STPG2: variants seen among roughly 807,000 people sequenced by gnomAD.
STPG2 encodes sperm-tail PG-rich repeat-containing protein 2.
STPG2 carries 56 observed loss-of-function variants against 54.2 expected under a neutral mutation model. The observed-to-expected ratio is 1.03, with a 90% confidence interval of 0.83 to 1.29. The LOEUF (loss-of-function observed/expected upper bound fraction) is 1.29, where lower values mean the gene tolerates loss of function less well. STPG2 is among the 50% of genes most tolerant of loss of function. The pLI is 0.00. For synonymous variants in STPG2, 200 were observed against 181.8 expected (o/e 1.10, Z -0.81); for missense variants, 596 against 544.9 (o/e 1.09, Z -0.93).
At chr4:97,984,926 CT>C (rs1414484376) in intron 5 of STPG2, among the ~76,000 whole-genome samples, 1 of 152,208 alleles carries the variant, frequency 6.6e-6, no homozygotes, top group Non-Finnish European at 1.5e-5. Flanking sequence ...AGTGCTTGCA[CT>C]TTACCTCCTC....
At chr4:98,090,436 T>C (rs1384349186) in intron 5 of STPG2, among the ~76,000 whole-genome samples, 3 of 152,086 alleles carry the variant, frequency 2.0e-5, no homozygotes, top group Non-Finnish European at 4.4e-5. Context: ...ACTGGTACCA[T>C]GTTTTATTTT....
At chr4:97,680,121 G>C (rs1722986230) in intron 10 of STPG2, among the ~76,000 whole-genome samples, 3 of 151,094 alleles carry the variant, frequency 2.0e-5, no homozygotes, top group Admixed American at 1.3e-4. Flanking sequence ...CTCTTTTTTG[G>C]TTCCATATGA....
chr4:98,013,819 CT>C (rs1362779184), intron 5 of STPG2, among the ~76,000 whole-genome samples: 1 of 151,716 alleles, frequency 6.6e-6, no homozygotes, highest in Non-Finnish European at 1.5e-5. Flanking sequence ...GTGATATCCC[CT>C]TTATTATTTT....
At chr4:97,915,220 C>T (rs113399389) in intron 8 of STPG2, among the ~76,000 whole-genome samples, 1,906 of 152,142 alleles carry the variant, frequency 0.013, 18 homozygotes, top group Non-Finnish European at 0.02. Flanking sequence ...AGACATGGTG[C>T]CTGCTCTTAA....
At chr4:97,933,117 A>G (rs1337825401) in intron 8 of STPG2, among the ~76,000 whole-genome samples, 1 of 152,124 alleles carries the variant, frequency 6.6e-6, no homozygotes, top group Admixed American at 6.5e-5. Context: ...TCTAATGATC[A>G]GTGATGTTGA....
chr4:97,879,047 C>A (rs558609026), intron 8 of STPG2, among the ~76,000 whole-genome samples: 1 of 152,186 alleles, frequency 6.6e-6, no homozygotes, highest in Admixed American at 6.5e-5. Flanking sequence ...AGTCTCCTTG[C>A]TAAAACATAG....
chr4:97,813,677 TAAAAAAAAAAAA>T (rs869298230), intron 9 of STPG2, among the ~76,000 whole-genome samples: 20 of 45,944 alleles, frequency 4.4e-4, no homozygotes, highest in African/African-American at 8.7e-4. Flanking sequence ...CCCTGTCTCT[TAAAAAAAAAAAA>T]AAAAAAAAAA....
chr4:97,524,511 T>C, intron 4 of STPG2, among the ~76,000 whole-genome samples: 1 of 151,986 alleles, frequency 6.6e-6, no homozygotes, highest in East Asian at 1.9e-4. Flanking sequence ...TAATGTCTTA[T>C]TGCCTTCTAT....
At chr4:97,861,547 C>G (rs967508051) in intron 8 of STPG2, among the ~76,000 whole-genome samples, 2 of 152,156 alleles carry the variant, frequency 1.3e-5, no homozygotes, top group Non-Finnish European at 2.9e-5. Flanking sequence ...GAGATATCTG[C>G]ACTCCTATGT....
intron 4 of STPG2, among the ~76,000 whole-genome samples, chr4:97,457,112 G>A (rs904750761): frequency 1.3e-5 from 2 of 152,144 alleles, no homozygotes; most frequent in African/African-American, 4.8e-5. Context: ...CCAAATAGTG[G>A]TGAGGATGTA....
At chr4:97,948,675 A>C (rs1053378692) in intron 7 of STPG2, among the ~76,000 whole-genome samples, 12 of 152,116 alleles carry the variant, frequency 7.9e-5, no homozygotes, top group African/African-American at 2.9e-4. Context: ...TAACACAAAA[A>C]TCATTCAGGA....
rs553049575 is a variant in STPG2 at position 97,960,429 on chromosome 4, T to C, written c.933+11851A>G. Among the ~76,000 whole-genome samples the C allele has an allele frequency of 5.9e-5, 9 of 152,294 alleles. No individual in the cohort carries two copies. In the East Asian group the frequency reaches 1.7e-3, roughly 29 times the overall value. On this transcript the variant is annotated intron_variant, in intron 7 of 10. Transcript: ENST00000295268. The stretch of plus-strand genomic sequence containing the variant: ...AAACTGTCACTGTTTGCTGATGATA[T>C]GATTGTATACCTAGAAAACCCTAAA...
intron 3 of STPG2, among the ~76,000 whole-genome samples, chr4:98,111,608 G>T (rs1433522299): frequency 3.3e-5 from 5 of 152,046 alleles, no homozygotes; most frequent in Non-Finnish European, 7.4e-5. Context: ...TTCTACATCT[G>T]CCTGGCCTGA....
intron 4 of STPG2, among the ~76,000 whole-genome samples, chr4:97,454,229 A>T (rs1729451260): frequency 6.6e-6 from 1 of 152,072 alleles, no homozygotes; most frequent in African/African-American, 2.4e-5. Context: ...CAGAAAAGGG[A>T]TTCGCCGGGC....
intron 9 of STPG2, among the ~76,000 whole-genome samples, chr4:97,738,465 C>T (rs1214258847): frequency 6.6e-6 from 1 of 152,018 alleles, no homozygotes; most frequent in African/African-American, 2.4e-5. Flanking sequence ...TTCAGGAAAC[C>T]CATCTCACGT....
At chr4:97,462,966 T>C (rs1729700436) in intron 4 of STPG2, among the ~76,000 whole-genome samples, 1 of 152,148 alleles carries the variant, frequency 6.6e-6, no homozygotes. Context: ...AATTTCTTTA[T>C]CTGATTATAT....
At chr4:97,545,984 G>A (rs1451570786) in intron 4 of STPG2, among the ~76,000 whole-genome samples, 1 of 151,966 alleles carries the variant, frequency 6.6e-6, no homozygotes, top group Admixed American at 6.6e-5. Flanking sequence ...AAAGAGGCCA[G>A]AAGTAGGACA....
chr4:97,739,266 G>A (rs1432795582), intron 9 of STPG2, among the ~76,000 whole-genome samples: 1 of 152,100 alleles, frequency 6.6e-6, no homozygotes, highest in Non-Finnish European at 1.5e-5. Flanking sequence ...AAGCAGGAAA[G>A]ATCCAAAATT....
intron 8 of STPG2, chr4:97,917,232 T>C (rs1731912791): frequency 6.6e-6 from 1 of 152,436 alleles, no homozygotes; most frequent in African/African-American, 2.4e-5. Context: ...GAAATGGACA[T>C]CAACTGTGAC....
Sources: allele counts gnomAD v4.1 joint callset (sites outside exome capture counted in the v4.1 genomes callset), GRCh38; gene constraint gnomAD v4.1.1; transcripts MANE v1.5; gene names NCBI Gene and HGNC (gene_info 2026-07-23, HGNC 2026-07-21).